Variants in DLG2 observed in about 807,000 individuals in gnomAD.
The protein encoded by DLG2 is disks large homolog 2.
DLG2 carries 45 observed loss-of-function variants against 132.5 expected under a neutral mutation model. The observed-to-expected ratio is 0.34, with a 90% CI of 0.27 to 0.44. The LOEUF (loss-of-function observed/expected upper bound fraction) is 0.44, where lower values mean the gene tolerates loss of function less well. Ranked by LOEUF, DLG2 falls within the 20% of genes least tolerant of loss-of-function variation. DLG2 has a pLI of 1.00. For synonymous variants in DLG2, 424 were observed against 419.6 expected (o/e 1.01, Z -0.13); for missense variants, 1,045 against 1,196.9 (o/e 0.87, Z 1.87).
At chr11:84,880,702 G>C (rs1335798511) in intron 6 of DLG2, among the ~76,000 whole-genome samples, 1 of 152,034 alleles carries the variant, frequency 6.6e-6, no homozygotes, top group Non-Finnish European at 1.5e-5. Flanking sequence ...ACATGGTGTA[G>C]CTGAAATTTT....
At chr11:84,799,193 G>T (rs981399943) in intron 6 of DLG2, among the ~76,000 whole-genome samples, 1 of 152,152 alleles carries the variant, frequency 6.6e-6, no homozygotes, top group Non-Finnish European at 1.5e-5. Context: ...TGATCCCAGA[G>T]CACTTTATCT....
intron 7 of DLG2, among the ~76,000 whole-genome samples, chr11:84,442,291 C>T (rs1426028665): frequency 4.6e-5 from 7 of 151,930 alleles, no homozygotes; most frequent in Non-Finnish European, 1.0e-4. Flanking sequence ...CTCTTATTTC[C>T]TTGAGCAGTG....
chr11:83,521,072 A>G (rs760170792), intron 21 of DLG2, among the ~76,000 whole-genome samples: 13 of 152,238 alleles, frequency 8.5e-5, no homozygotes, highest in Admixed American at 3.9e-4. Flanking sequence ...CCCAGGCCCT[A>G]GAACAGTGCT....
intron 18 of DLG2, among the ~76,000 whole-genome samples, chr11:83,661,549 A>G (rs2074274863): frequency 1.3e-5 from 2 of 152,162 alleles, no homozygotes; most frequent in Admixed American, 1.3e-4. Flanking sequence ...GTTAGATTTT[A>G]TAATATTAAT....
chr11:85,430,894 T>C (rs545508711), intron 3 of DLG2, among the ~76,000 whole-genome samples: 16 of 147,940 alleles, frequency 1.1e-4, no homozygotes, highest in Non-Finnish European at 1.5e-4. Context: ...ATCACTTGAA[T>C]CTGGGAGGCA....
chr11:84,664,482 T>C (rs564894690), intron 6 of DLG2, among the ~76,000 whole-genome samples: 1 of 152,276 alleles, frequency 6.6e-6, no homozygotes, highest in South Asian at 2.1e-4. Flanking sequence ...GGTCAGGACA[T>C]CAATTACAGA....
intron 7 of DLG2, among the ~76,000 whole-genome samples, chr11:84,288,819 T>C (rs1338177980): frequency 6.6e-6 from 1 of 152,152 alleles, no homozygotes; most frequent in Non-Finnish European, 1.5e-5. Context: ...CATTGAACTA[T>C]GTTGACATAA....
At chr11:84,450,513 T>C (rs917022003) in intron 7 of DLG2, among the ~76,000 whole-genome samples, 1 of 151,148 alleles carries the variant, frequency 6.6e-6, no homozygotes, top group African/African-American at 2.4e-5. Context: ...ACTGTACCCA[T>C]AATTAGACAA....
intron 7 of DLG2, among the ~76,000 whole-genome samples, chr11:84,378,780 A>G (rs2098739097): frequency 7.9e-6 from 1 of 127,222 alleles, no homozygotes; most frequent in African/African-American, 4.7e-5. Flanking sequence ...AATACAAAAA[A>G]TACAAAAAAA....
At chr11:83,812,728 T>C (rs976521972) in intron 17 of DLG2, among the ~76,000 whole-genome samples, 1 of 152,160 alleles carries the variant, frequency 6.6e-6, no homozygotes, top group Non-Finnish European at 1.5e-5. Flanking sequence ...TTTCTTTCAC[T>C]GAAGGACAGA....
intron 5 of DLG2, among the ~76,000 whole-genome samples, chr11:85,121,219 T>C (rs1305584011): frequency 6.6e-6 from 1 of 152,006 alleles, no homozygotes; most frequent in Non-Finnish European, 1.5e-5. Flanking sequence ...ACATAATGTA[T>C]TCCACTTAAA....
chr11:83,970,356 T>G (rs2091092914), intron 12 of DLG2, among the ~76,000 whole-genome samples: 1 of 152,138 alleles, frequency 6.6e-6, no homozygotes, highest in Non-Finnish European at 1.5e-5. Context: ...TTTTAGACCA[T>G]AAAGCAGAAG....
chr11:83,535,326 C>A (rs2095854657), intron 20 of DLG2, among the ~76,000 whole-genome samples: 1 of 152,100 alleles, frequency 6.6e-6, no homozygotes, highest in Non-Finnish European at 1.5e-5. Flanking sequence ...TCAGGGTATG[C>A]AAATAAATTC....
chr11:85,075,781 A>C (rs372831592), intron 6 of DLG2, among the ~76,000 whole-genome samples: 5 of 152,056 alleles, frequency 3.3e-5, no homozygotes, highest in East Asian at 1.9e-4. Context: ...TGTAATGTGC[A>C]AAAACCAAGG....
At chr11:84,880,619 C>G (rs1235854271) in intron 6 of DLG2, among the ~76,000 whole-genome samples, 1 of 152,140 alleles carries the variant, frequency 6.6e-6, no homozygotes, top group Non-Finnish European at 1.5e-5. Context: ...ATAATATACC[C>G]TATCTCCCAT....
chr11:83,810,814 C>G (rs1317354964), intron 17 of DLG2, among the ~76,000 whole-genome samples: 1 of 152,012 alleles, frequency 6.6e-6, no homozygotes, highest in South Asian at 2.1e-4. Flanking sequence ...AGGTTCTGTG[C>G]CATGTCCCAT....
intron 14 of DLG2, among the ~76,000 whole-genome samples, chr11:83,959,001 A>C (rs2087711038): frequency 6.6e-6 from 1 of 152,140 alleles, no homozygotes; most frequent in Non-Finnish European, 1.5e-5. Context: ...ATAATGCCTG[A>C]GACAAAAACA....
chr11:83,743,455 A>C (rs2092689898), intron 18 of DLG2, among the ~76,000 whole-genome samples: 2 of 84,200 alleles, frequency 2.4e-5, no homozygotes, highest in African/African-American at 2.6e-4. Flanking sequence ...TTTTTATGAC[A>C]GGGTCTCACT....
chr11:84,167,526 A>C (rs117255972), intron 8 of DLG2, among the ~76,000 whole-genome samples: 1,570 of 152,304 alleles, frequency 0.01, 7 homozygotes, highest in Middle Eastern at 0.034. Context: ...GAGGTTCTCC[A>C]TACATAACAA....
Sources: allele counts gnomAD v4.1 joint callset (sites outside exome capture counted in the v4.1 genomes callset), GRCh38; gene constraint gnomAD v4.1.1; transcripts MANE v1.5; gene names NCBI Gene and HGNC (gene_info 2026-07-23, HGNC 2026-07-21).